The following SHROOM4 variants were observed in gnomAD, a reference collection of about 807,000 sequenced individuals.
The protein encoded by SHROOM4 is protein Shroom4.
SHROOM4 carries 17 observed loss-of-function variants against 80.3 expected under a neutral mutation model. That is an observed-to-expected ratio of 0.21 (90% CI 0.14 to 0.32). The LOEUF is 0.32. Among genes scored for constraint, SHROOM4 ranks in the 10% least tolerant of loss-of-function variants. SHROOM4 has a pLI of 1.00. For missense variants in SHROOM4, 993 were observed against 1,140.3 expected (o/e 0.87, Z 1.86); for synonymous variants, 400 against 437.5 (o/e 0.91, Z 1.07).
intron 5 of SHROOM4, among the ~76,000 whole-genome samples, chrX:50,618,280 CT>C (rs1569546604): frequency 3.9e-3 from 1 of 256 alleles, no homozygotes; most frequent in African/African-American, 0.014. Flanking sequence ...TTCTCTTCCC[CT>C]TCCTTCCTTC....
intron 1 of SHROOM4, among the ~76,000 whole-genome samples, chrX:50,796,895 T>G (rs1936025032): frequency 1.8e-5 from 2 of 110,582 alleles, no homozygotes; most frequent in African/African-American, 6.6e-5. Flanking sequence ...AAGGGGAAGA[T>G]AAGTTCCATT....
intron 3 of SHROOM4, among the ~76,000 whole-genome samples, chrX:50,637,802 T>C (rs1302730765): frequency 8.9e-6 from 1 of 111,979 alleles, no homozygotes; most frequent in African/African-American, 3.2e-5. Flanking sequence ...TGAGTCGCCA[T>C]TGACAGAGAA....
chrX:50,613,923 A>C (rs1305501006), intron 5 of SHROOM4, among the ~76,000 whole-genome samples: 5 of 112,312 alleles, frequency 4.5e-5, no homozygotes, highest in Non-Finnish European at 9.4e-5. Context: ...GCAGTAAATA[A>C]GGCAGTCTCA....
chrX:50,633,235 G>A lies in SHROOM4; in HGVS notation c.2838C>T (p.Leu946=), dbSNP rs954123848. ...TGCCAGGTGCCAAGCTGCTGTCCTCGAGGGCACTGTGCTGAGGATTATGAT... is the reference window on the plus strand; with the variant it reads ...TGCCAGGTGCCAAGCTGCTGTCCTCAAGGGCACTGTGCTGAGGATTATGAT... ...VCYHNPQHSA[L]EDSSLAPGNT... is the part of the protein sequence containing the mutation. Residue 946 remains leucine, a synonymous_variant, in exon 4 of 9, where the codon CTC becomes CTT. Transcript: ENST00000376020. The A allele has an allele frequency of 3.3e-6, 4 of 1,211,422 alleles. No homozygotes were observed. The highest frequency in any genetic ancestry group is 1.8e-5 in the South Asian group (1 of 56,784).
intron 1 of SHROOM4, among the ~76,000 whole-genome samples, chrX:50,795,145 TG>T (rs368229779): frequency 0.18 from 409 of 2,236 alleles, 88 homozygotes; most frequent in African/African-American, 0.34. Flanking sequence ...TATATATATA[TG>T]ATATATATAT....
intron 1 of SHROOM4, among the ~76,000 whole-genome samples, chrX:50,712,977 T>C (rs1569547963): frequency 9.0e-6 from 1 of 111,308 alleles, no homozygotes; most frequent in Non-Finnish European, 1.9e-5. Flanking sequence ...GTCCCCTACC[T>C]GGTTTGAGGT....
intron 1 of SHROOM4, among the ~76,000 whole-genome samples, chrX:50,717,790 T>C (rs571895661): frequency 1.8e-5 from 2 of 112,195 alleles, no homozygotes; most frequent in African/African-American, 6.5e-5. Context: ...TCCAGCACTG[T>C]GGGTAAGGAA....
Position 50,592,548 on chromosome X carries a change from A to G in SHROOM4, c.*4147T>C, listed in dbSNP as rs1004793560. On this transcript the variant is annotated 3_prime_UTR_variant, in exon 9 of 9. Transcript: ENST00000376020. ...CTACCACAATGGATATCTTGAGTAG[A>G]AGGAGGATAGTTGGAATGTGAACAG... 2 of 166,632 alleles carry G rather than the reference A, an allele frequency of 1.2e-5. No homozygotes were observed. Among genetic ancestry groups the G allele is most frequent in the Admixed American group, 7.4e-5 (1 of 13,486 alleles). The allele number at this position is 166,632 out of a possible 1,213,427, so 13.7% of individuals were successfully genotyped here.
At chrX:50,729,538 T>C (rs1350166639) in intron 1 of SHROOM4, among the ~76,000 whole-genome samples, 2 of 110,945 alleles carry the variant, frequency 1.8e-5, no homozygotes, top group Non-Finnish European at 3.8e-5. Context: ...ATATTACAAG[T>C]ACCATAAGGA....
At chrX:50,724,235 G>C (rs150505404) in intron 1 of SHROOM4, among the ~76,000 whole-genome samples, 23 of 111,356 alleles carry the variant, frequency 2.1e-4, no homozygotes, top group African/African-American at 7.2e-4. Flanking sequence ...ATGAGCCAAG[G>C]AATATGGGCA....
In SHROOM4 at chrX:50,710,642, A is replaced by G. The variant is rs1236385661; in HGVS notation, c.118-14705T>C. 1.8e-5 allele frequency among the ~76,000 whole-genome samples: 2 copies of G among 111,481 alleles called. 1 individual carries two copies. The highest frequency in any genetic ancestry group is 6.5e-5 in the African/African-American group (2 of 30,629). ...ATACACCCACGTAACAAACCTGCACATGTACCTCCTGAATCTAAAAAGTTG... is the reference window on the plus strand; with the variant it reads ...ATACACCCACGTAACAAACCTGCACGTGTACCTCCTGAATCTAAAAAGTTG... On this transcript the variant is annotated intron_variant, in intron 1 of 8. Coordinates refer to ENST00000376020, the MANE Select transcript of SHROOM4 (RefSeq NM_020717.5).
At chrX:50,768,316 G>A in intron 1 of SHROOM4, among the ~76,000 whole-genome samples, 1 of 111,914 alleles carries the variant, frequency 8.9e-6, no homozygotes, top group Non-Finnish European at 1.9e-5. Context: ...CATTCTGGGT[G>A]GGTAAAGCGA....
At chrX:50,700,827 G>T (rs185036208) in intron 1 of SHROOM4, among the ~76,000 whole-genome samples, 1 of 112,077 alleles carries the variant, frequency 8.9e-6, no homozygotes, top group African/African-American at 3.2e-5. Context: ...TTTTCAATGA[G>T]AATTGAAAAA....
intron 1 of SHROOM4, among the ~76,000 whole-genome samples, chrX:50,766,970 T>C (rs1935289008): frequency 9.0e-6 from 1 of 111,452 alleles, no homozygotes; most frequent in South Asian, 3.8e-4. Flanking sequence ...TAAATAAAAT[T>C]AAAACAAATG....
chrX:50,810,054 G>C (rs1165635490), intron 1 of SHROOM4, among the ~76,000 whole-genome samples: 2 of 111,152 alleles, frequency 1.8e-5, no homozygotes, highest in African/African-American at 6.6e-5. Context: ...ATGGTACACT[G>C]CAGCCTGGAA....
intron 6 of SHROOM4, among the ~76,000 whole-genome samples, chrX:50,605,662 A>G (rs1046570912): frequency 8.9e-6 from 1 of 112,282 alleles, no homozygotes; most frequent in South Asian, 3.7e-4. Flanking sequence ...AAAGAACAAG[A>G]TCTCTCTGGG....
chrX:50,703,093 G>A (rs144656539), intron 1 of SHROOM4, among the ~76,000 whole-genome samples: 35 of 111,617 alleles, frequency 3.1e-4, no homozygotes, highest in African/African-American at 1.1e-3. Flanking sequence ...GTTCCTGTCT[G>A]CTTTGAGATA....
chrX:50,618,733 A>C lies in SHROOM4; in HGVS notation c.2957+8881T>G, dbSNP rs368192747. ...GTTGGGCCCCGTGTTAGGCACTTTC[A>C]CGTATGTATTTCCATTAATCTTCAC... is the stretch of plus-strand genomic sequence containing the variant. On this transcript the variant is annotated intron_variant, in intron 5 of 8. Transcript: ENST00000376020. Among the ~76,000 whole-genome samples, 4 of 111,515 alleles carry C rather than the reference A, an allele frequency of 3.6e-5. No homozygotes were observed. The South Asian group carries it at 1.5e-3, about 41-fold the overall frequency.
intron 2 of SHROOM4, among the ~76,000 whole-genome samples, chrX:50,659,533 T>C (rs1932424695): frequency 9.0e-6 from 1 of 111,605 alleles, no homozygotes; most frequent in Non-Finnish European, 1.9e-5. Flanking sequence ...TTTAGAAAAA[T>C]TGCAGTTTTT....
Sources: allele counts gnomAD v4.1 joint callset (sites outside exome capture counted in the v4.1 genomes callset), GRCh38; gene constraint gnomAD v4.1.1; transcripts MANE v1.5; gene names NCBI Gene and HGNC (gene_info 2026-07-23, HGNC 2026-07-21).